The following FERRY3 variants were observed in gnomAD, a reference collection of about 807,000 sequenced individuals.
FERRY3 encodes FERRY endosomal RAB5 effector complex subunit 3, also known as protein C12orf4.
the FERRY3 span, among the ~76,000 whole-genome samples, chr12:4,519,577 C>T: frequency 1.3e-5 from 2 of 152,174 alleles, no homozygotes; most frequent in African/African-American, 4.8e-5. This position sits in a 1 kb window ranked among gnomAD's most constrained non-coding sequence, Gnocchi z 4.3. Flanking sequence ...ATCCCAACAG[C>T]CCCATTAGAC....
chr12:4,512,393 G>T, the FERRY3 span, among the ~76,000 whole-genome samples: 1 of 152,232 alleles, frequency 6.6e-6, no homozygotes, highest in Non-Finnish European at 1.5e-5. Context: ...CATTTTATGA[G>T]GCCAGCATCA....
the FERRY3 span, chr12:4,529,784 G>T: frequency 9.5e-6 from 11 of 1,160,832 alleles, no homozygotes; most frequent in African/African-American, 1.6e-5. Flanking sequence ...TATCCTTTTT[G>T]TAAAAAATAA....
the FERRY3 span, among the ~76,000 whole-genome samples, chr12:4,511,110 C>T: frequency 6.7e-5 from 10 of 149,214 alleles, no homozygotes; most frequent in African/African-American, 2.5e-4. Context: ...ATAAAACAGA[C>T]TTTAAACCAA....
the FERRY3 span, chr12:4,491,161 A>T: frequency 3.7e-5 from 59 of 1,611,356 alleles, no homozygotes; most frequent in East Asian, 1.3e-3. Flanking sequence ...GTTGTCAGAG[A>T]GAAGATTATG....
At chr12:4,536,134 C>T in the FERRY3 span, 1 of 1,604,802 alleles carries the variant, frequency 6.2e-7, no homozygotes, top group Non-Finnish European at 8.5e-7. Context: ...TGACTTCCTA[C>T]TTTAAATTTA....
At chr12:4,516,284 A>G in the FERRY3 span, among the ~76,000 whole-genome samples, 1 of 152,238 alleles carries the variant, frequency 6.6e-6, no homozygotes, top group Non-Finnish European at 1.5e-5. Context: ...ATTTAACAAT[A>G]GTTTTCACTC....
chr12:4,502,342 G>C, the FERRY3 span: 4 of 433,984 alleles, frequency 9.2e-6, no homozygotes, highest in African/African-American at 8.2e-5. This position sits in a 1 kb window ranked among gnomAD's most constrained non-coding sequence, Gnocchi z 4.2. Flanking sequence ...ATAAGTATTT[G>C]TTGAATGAAT....
chr12:4,506,546 C>T, the FERRY3 span, among the ~76,000 whole-genome samples: 3 of 152,032 alleles, frequency 2.0e-5, no homozygotes, highest in Non-Finnish European at 2.9e-5. Context: ...GATGTCTAAT[C>T]GTAGCATAGA....
At chr12:4,534,852 A>G in the FERRY3 span, among the ~76,000 whole-genome samples, 2 of 152,230 alleles carry the variant, frequency 1.3e-5, no homozygotes, top group Non-Finnish European at 2.9e-5. Context: ...CTTAACTCTT[A>G]CGTATTCCCT....
chr12:4,512,158 T>C, the FERRY3 span, among the ~76,000 whole-genome samples: 1 of 133,606 alleles, frequency 7.5e-6, no homozygotes, highest in African/African-American at 3.1e-5. Context: ...GATAAATTCC[T>C]CGACACATAC....
chr12:4,491,105 T>G, the FERRY3 span: 1 of 1,381,782 alleles, frequency 7.2e-7, no homozygotes, highest in Non-Finnish European at 1.0e-6. Context: ...CATTCTCTCT[T>G]CTGGGTTGCT....
At chr12:4,529,782 T>C in the FERRY3 span, 7 of 1,168,088 alleles carry the variant, frequency 6.0e-6, no homozygotes, top group African/African-American at 7.9e-5. Flanking sequence ...CTTATCCTTT[T>C]TGTAAAAAAT....
the FERRY3 span, among the ~76,000 whole-genome samples, chr12:4,504,950 A>T: frequency 6.6e-6 from 1 of 152,158 alleles, no homozygotes; most frequent in Non-Finnish European, 1.5e-5. Context: ...AAAAAATACA[A>T]AAAAAGTAGC....
the FERRY3 span, among the ~76,000 whole-genome samples, chr12:4,516,245 C>T: frequency 6.6e-6 from 1 of 152,112 alleles, no homozygotes; most frequent in Non-Finnish European, 1.5e-5. Context: ...CCACTGAGTG[C>T]CTACTTCAAG....
At chr12:4,521,544 A>G in the FERRY3 span, among the ~76,000 whole-genome samples, 1 of 152,244 alleles carries the variant, frequency 6.6e-6, no homozygotes, top group Non-Finnish European at 1.5e-5. Flanking sequence ...TCTAGTGGAA[A>G]GGTAGACAAC....
At chr12:4,536,143 T>C in the FERRY3 span, 6 of 1,604,132 alleles carry the variant, frequency 3.7e-6, no homozygotes, top group Non-Finnish European at 5.1e-6. Flanking sequence ...ACTTTAAATT[T>C]ATATACAAAT....
At chr12:4,494,234 A>T in the FERRY3 span, among the ~76,000 whole-genome samples, 1 of 152,184 alleles carries the variant, frequency 6.6e-6, no homozygotes, top group African/African-American at 2.4e-5. Context: ...AATTTAAAAA[A>T]AAAAGATGCT....
chr12:4,511,454 C>T, the FERRY3 span, among the ~76,000 whole-genome samples: 181 of 152,234 alleles, frequency 1.2e-3, 1 homozygote, highest in African/African-American at 3.9e-3. Context: ...TAGCACCACA[C>T]CACACCTATT....
At chr12:4,530,269 T>C in the FERRY3 span, among the ~76,000 whole-genome samples, 2 of 152,004 alleles carry the variant, frequency 1.3e-5, no homozygotes, top group African/African-American at 4.8e-5. Context: ...TTAATATAAG[T>C]TACCCGGAAG....
Sources: gnomAD v4.1 joint callset for allele counts (sites outside exome capture counted in the v4.1 genomes callset) on GRCh38, gnomAD v4.1.1 for gene constraint, Gnocchi (gnomAD v3.1) non-coding constraint, MANE v1.5 for transcripts, NCBI Gene and HGNC (gene_info 2026-07-23, HGNC 2026-07-21) for gene names.